FANCE: variants seen among roughly 807,000 people sequenced by gnomAD.
FANCE encodes Fanconi anemia group E protein.
In FANCE, 42 loss-of-function variants were observed where a neutral mutation model predicts 57.8. The ratio of observed to expected loss-of-function variants is 0.73; its 90% confidence interval spans 0.57 to 0.94. The LOEUF is 0.94. Among genes scored for constraint, FANCE ranks in the 40% least tolerant of loss-of-function variants. The pLI is 0.00. For missense variants in FANCE, 608 were observed against 661.8 expected, an observed-to-expected ratio of 0.92 and a Z score of 0.89; for synonymous variants, 251 against 286.4, an observed-to-expected ratio of 0.88 and a Z score of 1.25.
chr6:35,456,496 A>T lies in FANCE; in HGVS notation c.855+143A>T. On this transcript the variant is annotated intron_variant, in intron 2 of 9. Transcript: ENST00000229769. The surrounding 1 kb of genome is among the most constrained non-coding windows in gnomAD (Gnocchi z 4.3). ...GAAGGAGGAAGGTAGGGTTGAGGGA[A>T]TGTAGCCTCCACTCTACAGACTCTT... 9.5e-7 allele frequency: 1 copy of T among 1,057,282 alleles called. No individual in the cohort carries two copies. Among genetic ancestry groups the T allele is most frequent in the Non-Finnish European group, 1.5e-6 (1 of 685,062 alleles). 65.5% of individuals were successfully genotyped at this position (1,057,282 alleles called of 1,614,324 possible).
At chr6:35,455,283 G>A (rs1401127946) in intron 1 of FANCE, among the ~76,000 whole-genome samples, 1 of 151,840 alleles carries the variant, frequency 6.6e-6, no homozygotes, top group Non-Finnish European at 1.5e-5. Context: ...CTTTCATGTT[G>A]TCCCTGTCTC....
At chr6:35,465,597 T>C (rs1767799720) in intron 9 of FANCE, among the ~76,000 whole-genome samples, 1 of 152,224 alleles carries the variant, frequency 6.6e-6, no homozygotes, top group African/African-American at 2.4e-5. Context: ...CCCAGAAAGA[T>C]GGAAGTATGA....
rs764017469 is a variant in FANCE, at chr6:35,456,031, T to G, written c.533T>G (p.Leu178Trp). 1.9e-6 allele frequency: 3 copies of G among 1,612,566 alleles called. No individual in the cohort carries two copies. In the Admixed American group the frequency reaches 5.0e-5, roughly 27 times the overall value. Residue 178 changes from leucine to tryptophan, a missense_variant, in exon 2 of 10, where the codon TTG becomes TGG. By Grantham distance (61) the Leu-to-Trp change is moderately conservative (BLOSUM62 -2). Transcript: ENST00000229769. This position sits in a 1 kb window ranked among gnomAD's most constrained non-coding sequence, Gnocchi z 4.3. ...GGGCTGGGCCTGGGGGGCAGGAGGT[T>G]GAAATCCCCCCAGGCTCCAGACCCT... The part of the protein sequence containing the change: ...CRGLGLGGRR[L>W]KSPQAPDPEE...
Position 35,456,478 on chromosome 6 carries a change from G to T in FANCE, c.855+125G>T, listed in dbSNP as rs1316383246. 7.7e-7 allele frequency: 1 copy of T among 1,298,780 alleles called. No individual in the cohort carries two copies. Among genetic ancestry groups the T allele is most frequent in the Non-Finnish European group, 1.1e-6 (1 of 898,532 alleles). The allele number at this position is 1,298,780 out of a possible 1,614,324, so 80.5% of individuals were successfully genotyped here. ...CTGTAGTTCCTGGAGGAAGAAGGAG[G>T]AAGGTAGGGTTGAGGGAATGTAGCC... On this transcript the variant is annotated intron_variant, in intron 2 of 9. Transcript: ENST00000229769. The surrounding 1 kb of genome is among the most constrained non-coding windows in gnomAD (Gnocchi z 4.3).
intron 8 of FANCE, 79 bp from the exon 9 acceptor site, chr6:35,462,710 G>A: frequency 6.3e-7 from 1 of 1,596,444 alleles, no homozygotes; most frequent in South Asian, 1.1e-5. Context: ...TGGTGGAGTT[G>A]GGAATTGAAT....
Position 35,452,721 on chromosome 6 carries a change from A to T in FANCE, c.176A>T (p.Asp59Val). Residue 59 changes from aspartate (D) to valine (V), a missense_variant, in exon 1 of 10, where the codon GAC (aspartate) becomes GTC (valine). Asp to Val is a radical substitution (Grantham distance 152). Transcript: ENST00000229769. The part of the protein sequence containing the change: ...ALGSRGWEPF[D>V]WGRLLEALCR... ...GGCAGCCGCGGCTGGGAGCCCTTCG[A>T]CTGGGGTCGCTTGCTCGAGGCCCTG... 1 of 1,246,926 alleles carries T rather than the reference A, an allele frequency of 8.0e-7. No homozygotes were observed. Among genetic ancestry groups the T allele is most frequent in the Non-Finnish European group, 1.0e-6 (1 of 995,190 alleles). The allele number at this position is 1,246,926 out of a possible 1,614,324, so 77.2% of individuals were successfully genotyped here.
In FANCE at chr6:35,459,402, A is replaced by G. The variant is rs1490773194; in HGVS notation, c.1185A>G (p.Thr395=). 1 of 1,613,924 alleles carries G rather than the reference A, an allele frequency of 6.2e-7. No homozygotes were observed. Among genetic ancestry groups the G allele is most frequent in the East Asian group, 2.2e-5 (1 of 44,888 alleles). The change falls in exon 6 of 10, where the codon ACA becomes ACG. Residue 395 remains threonine, a synonymous_variant. Transcript: ENST00000229769. ...TGACCTCCTTCTGTGCCAAATATAC[A>G]TACCCTGTCTGCAGCGCCCTCCTTG... ...TALTSFCAKY[T]YPVCSALLDP...
In FANCE at chr6:35,452,772, G is replaced by A. The variant is rs1244016907; in HGVS notation, c.227G>A (p.Gly76Glu). The change falls in exon 1 of 10, where the codon GGG (glycine) becomes GAG (glutamate). Residue 76 changes from glycine to glutamate, a missense_variant. By Grantham distance (98) the Gly-to-Glu change is moderately conservative (BLOSUM62 -2). Transcript: ENST00000229769. Reference protein sequence around the residue: ...ALCREEPVVQGPDGRLELKPL... With the variant: ...ALCREEPVVQEPDGRLELKPL... Reference sequence around the variant, plus strand: ...TGCCGGGAGGAGCCGGTCGTGCAGGGGCCTGACGGCCGTCTGGAGCTGTAA... The same window carrying A: ...TGCCGGGAGGAGCCGGTCGTGCAGGAGCCTGACGGCCGTCTGGAGCTGTAA... The A allele has an allele frequency of 1.5e-6, 2 of 1,299,380 alleles. No homozygotes were observed. Among genetic ancestry groups the A allele is most frequent in the Non-Finnish European group, 2.0e-6 (2 of 1,018,976 alleles). The allele number at this position is 1,299,380 out of a possible 1,614,324, so 80.5% of individuals were successfully genotyped here.
rs372802074 is a variant in FANCE at position 35,466,970 on chromosome 6, G to C, written c.*625G>C. On this transcript the variant is annotated 3_prime_UTR_variant, in exon 10 of 10. Coordinates refer to ENST00000229769, the MANE Select transcript of FANCE (RefSeq NM_021922.3). ...TCAAGCCGACCCAGAGTGGGCATGG[G>C]ATGCTCCAGGAGGTCTGGGGTACCA... 4.4e-6 allele frequency: 1 copy of C among 227,422 alleles called. No homozygotes were observed. The highest frequency in any genetic ancestry group is 6.5e-5 in the East Asian group (1 of 15,478). The allele number at this position is 227,422 out of a possible 1,614,324, so 14.1% of individuals were successfully genotyped here. A position where few individuals can be genotyped will look rare whatever the true frequency, so the allele number is the denominator to read the frequency against.
At chr6:35,459,233 TC>T (rs1338376512) in intron 5 of FANCE, 97 bp from the exon 6 acceptor site, 2 of 1,518,860 alleles carry the variant, frequency 1.3e-6, no homozygotes, top group African/African-American at 1.4e-5. Flanking sequence ...GTTTTTTTTT[TC>T]CTTTGTAACA....
intron 9 of FANCE, among the ~76,000 whole-genome samples, chr6:35,465,606 G>A (rs1038633158): frequency 2.0e-5 from 3 of 152,234 alleles, no homozygotes; most frequent in African/African-American, 7.2e-5. Flanking sequence ...ATGGAAGTAT[G>A]AACATGCTTC....
At position 35,455,834 on chromosome 6, in the gene FANCE, TG is replaced by T; in HGVS notation, c.339del (p.Leu114SerfsTer12). 1 of 1,614,192 alleles carries T rather than the reference TG, an allele frequency of 6.2e-7. No individual in the cohort carries two copies. Among genetic ancestry groups the T allele is most frequent in the Admixed American group, 1.7e-5 (1 of 60,030 alleles). ...MAVRPSLPES[G>X]LLSVLQIAQQ... ...CCGTTCGGCCATCGCTGCCGGAAAG[TG>T]GGCTCCTCTCTGTGCTGCAGATTGC... is the stretch of plus-strand genomic sequence containing the variant. On this transcript the variant is annotated frameshift_variant, in exon 2 of 10. Coordinates refer to ENST00000229769, the MANE Select transcript of FANCE (RefSeq NM_021922.3). LOFTEE classifies it high-confidence loss of function.
At chr6:35,457,678 A>G (rs1767404454) in intron 3 of FANCE, 78 bp downstream of exon 3, 2 of 1,506,736 alleles carry the variant, frequency 1.3e-6, no homozygotes, top group East Asian at 4.5e-5. Flanking sequence ...AGGAAGGCCC[A>G]ATGCAGTGAT....
Position 35,456,619 on chromosome 6 carries a change from A to G in FANCE, c.855+266A>G, listed in dbSNP as rs1371838147. Among the ~76,000 whole-genome samples the G allele has an allele frequency of 6.6e-6, 1 of 151,900 alleles. No homozygotes were observed. Among genetic ancestry groups the G allele is most frequent in the African/African-American group, 2.4e-5 (1 of 41,308 alleles). ...AACCTCTGCCTCCCGGGTTCAAGCG[A>G]TTCTCCTGCCTCAGCTTCCTGAGTA... On this transcript the variant is annotated intron_variant, in intron 2 of 9. Transcript: ENST00000229769. The surrounding 1 kb of genome is among the most constrained non-coding windows in gnomAD (Gnocchi z 4.3).
At chr6:35,459,599 G>A in intron 6 of FANCE, 83 bp from the exon 7 acceptor site, 1 of 1,574,708 alleles carries the variant, frequency 6.4e-7, no homozygotes, top group Non-Finnish European at 8.7e-7. Context: ...GTAACAGGCT[G>A]GGCATTCTGT....
chr6:35,463,469 A>G (rs983292989), intron 9 of FANCE, among the ~76,000 whole-genome samples: 11 of 152,152 alleles, frequency 7.2e-5, no homozygotes, highest in Admixed American at 5.9e-4. Context: ...CCATAATGCA[A>G]TCCCTGCCCT....
At chr6:35,454,322 C>T (rs945136119) in intron 1 of FANCE, among the ~76,000 whole-genome samples, 1 of 152,180 alleles carries the variant, frequency 6.6e-6, no homozygotes, top group Non-Finnish European at 1.5e-5. Flanking sequence ...CCTACCTTGG[C>T]CTCCCAAAGT....
chr6:35,466,699 G>C lies in FANCE; in HGVS notation c.*354G>C. On this transcript the variant is annotated 3_prime_UTR_variant, in exon 10 of 10. Coordinates refer to ENST00000229769, the MANE Select transcript of FANCE (RefSeq NM_021922.3). Reference sequence around the variant, plus strand: ...CCCATGTCAGCCTCCCAAGTAGCTGGGACTACATGCACATGACACTATGCC... The same window carrying C: ...CCCATGTCAGCCTCCCAAGTAGCTGCGACTACATGCACATGACACTATGCC... 1 of 409,208 alleles carries C rather than the reference G, an allele frequency of 2.4e-6. No individual in the cohort carries two copies. Among genetic ancestry groups the C allele is most frequent in the Non-Finnish European group, 4.6e-6 (1 of 218,706 alleles). The allele number at this position is 409,208 out of a possible 1,614,324, so 25.3% of individuals were successfully genotyped here. A position where few individuals can be genotyped will look rare whatever the true frequency, so the allele number is the denominator to read the frequency against.
rs145068586 is a variant in FANCE at position 35,455,751 on chromosome 6, C to T, written c.253C>T (p.Pro85Ser). The T allele has an allele frequency of 1.0e-3, 1,645 of 1,614,002 alleles. 17 individuals carry two copies. The highest frequency in any genetic ancestry group is 4.7e-4 in the Non-Finnish European group (549 of 1,180,038). The change falls in exon 2 of 10, where the codon CCA becomes TCA. Residue 85 changes from proline (P) to serine (S), a missense_variant. Coordinates refer to ENST00000229769, the MANE Select transcript of FANCE (RefSeq NM_021922.3). Reference sequence around the variant, plus strand: ...TGCTCTCCCTCTGCTACCCAGGAAACCACTGTTGCTGCGATTGCCCCGGAT... The same window carrying T: ...TGCTCTCCCTCTGCTACCCAGGAAATCACTGTTGCTGCGATTGCCCCGGAT... ...QGPDGRLELK[P>S]LLLRLPRICQ...
Sources: gnomAD v4.1 joint callset for allele counts (sites outside exome capture counted in the v4.1 genomes callset) on GRCh38, gnomAD v4.1.1 for gene constraint, Gnocchi (gnomAD v3.1) non-coding constraint, MANE v1.5 for transcripts, NCBI Gene and HGNC (gene_info 2026-07-23, HGNC 2026-07-21) for gene names.